The following RAB3IP variants were observed in gnomAD, a reference collection of about 807,000 sequenced individuals.
RAB3IP encodes RAB3A interacting protein.
RAB3IP carries 36 observed loss-of-function variants against 59.1 expected under a neutral mutation model. The ratio of observed to expected loss-of-function variants is 0.61; its 90% confidence interval spans 0.47 to 0.80. The LOEUF is 0.80. Among genes scored for constraint, RAB3IP ranks in the 30% least tolerant of loss-of-function variants. The pLI is 0.00. For missense variants in RAB3IP, 511 were observed against 536.0 expected (o/e 0.95, Z 0.46); for synonymous variants, 207 against 191.2 (o/e 1.08, Z -0.68).
At chr12:69,803,976 T>C (rs566316453) in intron 8 of RAB3IP, among the ~76,000 whole-genome samples, 1 of 152,334 alleles carries the variant, frequency 6.6e-6, no homozygotes, top group South Asian at 2.1e-4. Context: ...CATGTGTCTT[T>C]ATAGCAGCAT....
intron 10 of RAB3IP, 74 bp downstream of exon 10, chr12:69,813,107 G>T: frequency 2.0e-6 from 2 of 1,007,918 alleles, no homozygotes; most frequent in Non-Finnish European, 3.0e-6. Flanking sequence ...TCAACAAAAA[G>T]TATAGAATAG....
At chr12:69,743,236 G>T (rs1402108642) in intron 1 of RAB3IP, among the ~76,000 whole-genome samples, 5 of 152,246 alleles carry the variant, frequency 3.3e-5, no homozygotes, top group African/African-American at 1.2e-4. Context: ...TTGAATATTT[G>T]TTTGGGAGCA....
chr12:69,791,916 G>A (rs977167927), intron 4 of RAB3IP, among the ~76,000 whole-genome samples: 2 of 152,162 alleles, frequency 1.3e-5, no homozygotes, highest in East Asian at 3.8e-4. Flanking sequence ...CAAGTTATAT[G>A]TCTATTGATG....
At position 69,795,206 on chromosome 12, in the gene RAB3IP, A is replaced by T. The variant is rs200120552; in HGVS notation, c.750A>T (p.Ser250=). ...KTLVLSSSPT[S]PTQEPLPGGK... ...TTGTATTGTCCAGTTCTCCAACATC[A>T]CCTACGCAGGAGCCTTTGCCAGGTG... The change falls in exon 6 of 11, where the codon TCA becomes TCT. Residue 250 remains serine (S), a synonymous_variant. Coordinates refer to ENST00000247833, the MANE Select transcript of RAB3IP (RefSeq NM_022456.5). 56 of 1,613,942 alleles carry T rather than the reference A, an allele frequency of 3.5e-5. No individual in the cohort carries two copies. The Middle Eastern group carries it at 2.5e-3, about 71-fold the overall frequency.
At position 69,812,981 on chromosome 12, in the gene RAB3IP, C is replaced by CT; in HGVS notation, c.1254dup (p.Thr419TyrfsTer17). ...TGGCCTAGATCACTTCTGTATGTAACTTTTTTACATACATTCGATACATTC... is the reference window on the plus strand; with the variant it reads ...TGGCCTAGATCACTTCTGTATGTAACTTTTTTTACATACATTCGATACATTC... On this transcript the variant is annotated frameshift_variant, in exon 10 of 11. Transcript: ENST00000247833. LOFTEE classifies it high-confidence loss of function. The CT allele has an allele frequency of 6.2e-7, 1 of 1,613,186 alleles. No individual in the cohort carries two copies. The highest frequency in any genetic ancestry group is 8.5e-7 in the Non-Finnish European group (1 of 1,179,258).
rs1167745095 is a variant in RAB3IP at position 69,755,259 on chromosome 12, G to C, written c.-25-125G>C. 21 of 878,266 alleles carry C rather than the reference G, an allele frequency of 2.4e-5. No individual in the cohort carries two copies. In the Middle Eastern group the frequency reaches 1.8e-3, roughly 74 times the overall value. The allele number at this position is 878,266 out of a possible 1,614,324, so 54.4% of individuals were successfully genotyped here. A position where few individuals can be genotyped will look rare whatever the true frequency, so the allele number is the denominator to read the frequency against. ...ATGTGATTGTGGTTTTTTAAAAAAA[G>C]CCTCTTTTATTGTAAGCTTATAATT... On this transcript the variant is annotated intron_variant, in intron 1 of 10. Coordinates refer to ENST00000247833, the MANE Select transcript of RAB3IP (RefSeq NM_022456.5).
At chr12:69,739,695 GGAGTTGAGAC>G in intron 1 of RAB3IP, 1 of 733,996 alleles carries the variant, frequency 1.4e-6, no homozygotes, top group East Asian at 2.7e-5. Context: ...TGTGTTCGGG[GGAGTTGAGAC>G]GAACTGCACG....
At chr12:69,810,357 G>T (rs1055383378) in intron 8 of RAB3IP, among the ~76,000 whole-genome samples, 2 of 152,174 alleles carry the variant, frequency 1.3e-5, no homozygotes, top group African/African-American at 4.8e-5. Context: ...GGAGCCACTT[G>T]AGGAGGCAGT....
intron 3 of RAB3IP, among the ~76,000 whole-genome samples, chr12:69,760,627 A>G (rs1313397444): frequency 6.6e-6 from 1 of 151,130 alleles, no homozygotes; most frequent in Non-Finnish European, 1.5e-5. Flanking sequence ...TAGCTTTTGT[A>G]TGTCTGTGTT....
At chr12:69,753,395 T>C (rs558355913) in intron 1 of RAB3IP, among the ~76,000 whole-genome samples, 53 of 152,286 alleles carry the variant, frequency 3.5e-4, no homozygotes, top group African/African-American at 1.2e-3. Flanking sequence ...GGAATCTCAA[T>C]CTGTCGCCCA....
chr12:69,799,691 AC>A (rs1239614861), intron 6 of RAB3IP, among the ~76,000 whole-genome samples: 1 of 152,166 alleles, frequency 6.6e-6, no homozygotes, highest in Admixed American at 6.5e-5. Context: ...TTATAGTAGA[AC>A]AATTAGTGTC....
At chr12:69,800,082 G>T in intron 6 of RAB3IP, 127 bp from the exon 7 acceptor site, 1 of 666,564 alleles carries the variant, frequency 1.5e-6, no homozygotes, top group Non-Finnish European at 2.2e-6. Flanking sequence ...ACCAAGAGTG[G>T]TTCAATTTAT....
At chr12:69,756,721 A>G in intron 3 of RAB3IP, 58 bp downstream of exon 3, 4 of 1,427,390 alleles carry the variant, frequency 2.8e-6, no homozygotes, top group Middle Eastern at 2.5e-4. Flanking sequence ...GTATTTCTCC[A>G]TGGGGTGGGG....
intron 8 of RAB3IP, among the ~76,000 whole-genome samples, chr12:69,810,240 C>T (rs1010171107): frequency 3.1e-4 from 47 of 152,250 alleles, no homozygotes; most frequent in African/African-American, 1.1e-3. Flanking sequence ...AATGCTGCTG[C>T]CTGATCGTTC....
intron 8 of RAB3IP, among the ~76,000 whole-genome samples, chr12:69,806,425 T>G (rs897112694): frequency 2.0e-5 from 3 of 152,150 alleles, no homozygotes; most frequent in Non-Finnish European, 4.4e-5. Flanking sequence ...CTATCAGTTT[T>G]GTTGATCTTT....
chr12:69,759,666 A>ACCTC (rs796331925), intron 3 of RAB3IP, among the ~76,000 whole-genome samples: 72,652 of 117,848 alleles, frequency 0.62, 19,193 homozygotes, highest in Non-Finnish European at 0.67. Context: ...CTGAACCCCC[A>ACCTC]CCTCCCGGAC....
Position 69,808,524 on chromosome 12 carries a change from T to A in RAB3IP, c.1131-4254T>A, listed in dbSNP as rs904088861. ...GGGGTGTTAAAGTCTCCCATTATTATTGTTTGGGAGTCTAAGTCTCTTTGT... is the reference window on the plus strand; with the variant it reads ...GGGGTGTTAAAGTCTCCCATTATTAATGTTTGGGAGTCTAAGTCTCTTTGT... On this transcript the variant is annotated intron_variant, in intron 8 of 10. Coordinates refer to ENST00000247833, the MANE Select transcript of RAB3IP (RefSeq NM_022456.5). Among the ~76,000 whole-genome samples the A allele has an allele frequency of 4.6e-5, 7 of 152,312 alleles. No individual in the cohort carries two copies. The East Asian group carries it at 9.6e-4, about 21-fold the overall frequency.
chr12:69,761,706 A>G (rs957495729), intron 3 of RAB3IP, among the ~76,000 whole-genome samples: 1 of 152,236 alleles, frequency 6.6e-6, no homozygotes, highest in Non-Finnish European at 1.5e-5. Context: ...TTAAATGAAT[A>G]TATACATGTA....
chr12:69,748,518 C>T (rs1293629367), intron 1 of RAB3IP, among the ~76,000 whole-genome samples: 1 of 152,128 alleles, frequency 6.6e-6, no homozygotes, highest in Non-Finnish European at 1.5e-5. Flanking sequence ...GAAAAATTAA[C>T]AGGAAATGCA....
Sources: allele counts gnomAD v4.1 joint callset (sites outside exome capture counted in the v4.1 genomes callset), GRCh38; gene constraint gnomAD v4.1.1; transcripts MANE v1.5; gene names NCBI Gene and HGNC (gene_info 2026-07-23, HGNC 2026-07-21).